The following GABPB1 variants were observed in gnomAD, a reference collection of about 807,000 sequenced individuals.
The protein encoded by GABPB1 is GA-binding protein subunit beta-1.
GABPB1 carries 15 observed loss-of-function variants against 45.9 expected under a neutral mutation model. The ratio of observed to expected loss-of-function variants is 0.33; its 90% CI spans 0.22 to 0.50. The LOEUF is 0.50. Ranked by LOEUF, GABPB1 falls within the 20% of genes least tolerant of loss-of-function variation. The pLI is 0.98. For synonymous variants in GABPB1, 143 were observed against 154.4 expected (o/e 0.93, Z 0.55); for missense variants, 252 against 457.5 (o/e 0.55, Z 4.10).
chr15:50,309,549 G>A, intron 2 of GABPB1, 142 bp downstream of exon 2: 1 of 588,972 alleles, frequency 1.7e-6, no homozygotes, highest in South Asian at 2.4e-5. Context: ...TTTTAGGACA[G>A]TTATAATTCT....
chr15:50,295,028 A>G (rs538040566), intron 6 of GABPB1, among the ~76,000 whole-genome samples: 5 of 152,326 alleles, frequency 3.3e-5, no homozygotes, highest in Admixed American at 2.6e-4. Flanking sequence ...GAGCTACAAA[A>G]TAAGAGACGT....
At chr15:50,346,950 C>T (rs1274317901) in intron 1 of GABPB1, among the ~76,000 whole-genome samples, 6 of 151,888 alleles carry the variant, frequency 4.0e-5, no homozygotes, top group East Asian at 3.9e-4. Flanking sequence ...CCACTGTGCC[C>T]GGCTAATTTT....
rs953762707 is a variant in GABPB1, at chr15:50,278,651, G to C, written c.1133C>G (p.Thr378Ser). The stretch of plus-strand genomic sequence containing the variant: ...TTTCAATTAAACAGCTTCTTTATTA[G>C]TCTGAAGACGAGTCATAGCTTCCAA... Reference protein sequence around the residue: ...QKLEAMTRLQTNKEAV With the variant: ...QKLEAMTRLQSNKEAV The change falls in exon 9 of 9, where the codon ACT (threonine) becomes AGT (serine). Residue 378 changes from threonine to serine, a missense_variant. Thr to Ser is a moderately conservative substitution (Grantham distance 58). This residue lies in a region of GABPB1 where 19 missense variants were observed against 23.8 expected (regional missense o/e 0.80). Coordinates refer to ENST00000380877, the MANE Select transcript of GABPB1 (RefSeq NM_016654.5). 3.1e-6 allele frequency: 5 copies of C among 1,609,946 alleles called. No homozygotes were observed. Among genetic ancestry groups the C allele is most frequent in the Admixed American group, 1.7e-5 (1 of 58,946 alleles).
At chr15:50,326,659 C>T (rs2047777777) in intron 1 of GABPB1, among the ~76,000 whole-genome samples, 1 of 151,090 alleles carries the variant, frequency 6.6e-6, no homozygotes, top group Non-Finnish European at 1.5e-5. Flanking sequence ...GAGACTCCGT[C>T]TCAAAAAAAA....
intron 1 of GABPB1, among the ~76,000 whole-genome samples, chr15:50,319,777 G>A (rs2047490300): frequency 6.6e-6 from 1 of 152,140 alleles, no homozygotes. Context: ...GGCAGAGGTT[G>A]CAGTGAGCCG....
intron 1 of GABPB1, among the ~76,000 whole-genome samples, chr15:50,324,031 A>C (rs1457431900): frequency 1.3e-5 from 2 of 152,074 alleles, no homozygotes; most frequent in Non-Finnish European, 2.9e-5. Context: ...GCAAAACTCT[A>C]TCTCTACAAA....
intron 1 of GABPB1, among the ~76,000 whole-genome samples, chr15:50,340,618 A>G (rs1595838324): frequency 2.0e-5 from 3 of 150,892 alleles, no homozygotes; most frequent in South Asian, 4.2e-4. Context: ...TGCTTAACAC[A>G]TGAGATCTTT....
At position 50,291,010 on chromosome 15, in the gene GABPB1, G is replaced by A. The variant is rs143964532; in HGVS notation, c.698-1342C>T. 7.4e-4 allele frequency among the ~76,000 whole-genome samples: 113 copies of A among 152,220 alleles called. 1 individual carries two copies. The highest frequency in any genetic ancestry group is 2.5e-3 in the African/African-American group (104 of 41,542). ...ATACTAGTAAAAAACTACAAACAACGCAGATATTCTTTGATAATAAATTAA... is the reference window on the plus strand; with the variant it reads ...ATACTAGTAAAAAACTACAAACAACACAGATATTCTTTGATAATAAATTAA... On this transcript the variant is annotated intron_variant, in intron 6 of 8. Coordinates refer to ENST00000380877, the MANE Select transcript of GABPB1 (RefSeq NM_016654.5).
At chr15:50,332,568 A>T (rs534119029) in intron 1 of GABPB1, among the ~76,000 whole-genome samples, 1 of 152,244 alleles carries the variant, frequency 6.6e-6, no homozygotes, top group African/African-American at 2.4e-5. Flanking sequence ...TTAAGCCCAT[A>T]TCTTTTATAA....
At chr15:50,286,249 CTT>C in intron 7 of GABPB1, 66 bp from the exon 8 acceptor site, 1 of 1,126,296 alleles carries the variant, frequency 8.9e-7, no homozygotes, top group Non-Finnish European at 1.2e-6. Context: ...TAAAACTAGT[CTT>C]GACATTGTTG....
At chr15:50,280,433 G>A (rs549478886) in intron 8 of GABPB1, among the ~76,000 whole-genome samples, 27 of 152,278 alleles carry the variant, frequency 1.8e-4, no homozygotes, top group African/African-American at 5.8e-4. Context: ...TGGCAGGAGT[G>A]TCCACAGCCA....
intron 1 of GABPB1, among the ~76,000 whole-genome samples, chr15:50,324,679 G>A (rs533722814): frequency 2.3e-4 from 35 of 151,570 alleles, no homozygotes; most frequent in African/African-American, 4.6e-4. Context: ...CAAGTAGCTC[G>A]GATTACAGGC....
chr15:50,304,017 T>C lies in GABPB1; in HGVS notation c.225A>G (p.Leu75=). The C allele has an allele frequency of 6.2e-7, 1 of 1,613,426 alleles. No homozygotes were observed. Among genetic ancestry groups the C allele is most frequent in the Non-Finnish European group, 8.5e-7 (1 of 1,179,708 alleles). ...CATGGCCCTCAGAAGCTGCCATATG[T>C]AATGGTGTTCGGTCCACTTTGGTTC... ...DARTKVDRTP[L]HMAASEGHAS... Residue 75 remains leucine, a synonymous_variant, in exon 3 of 9, where the codon TTA becomes TTG. Coordinates refer to ENST00000380877, the MANE Select transcript of GABPB1 (RefSeq NM_016654.5).
At chr15:50,289,759 G>A (rs2046288141) in intron 6 of GABPB1, 91 bp from the exon 7 acceptor site, 2 of 915,572 alleles carry the variant, frequency 2.2e-6, no homozygotes. Context: ...TGCTTTCTAT[G>A]CTTCTTTCTT....
At chr15:50,325,912 G>T (rs372598639) in intron 1 of GABPB1, among the ~76,000 whole-genome samples, 5 of 142,924 alleles carry the variant, frequency 3.5e-5, no homozygotes, top group Admixed American at 6.9e-5. Flanking sequence ...GGTTTTTTTT[G>T]TTTTTTTTTT....
At chr15:50,338,271 C>G (rs1390457814) in intron 1 of GABPB1, among the ~76,000 whole-genome samples, 1 of 152,074 alleles carries the variant, frequency 6.6e-6, no homozygotes, top group Admixed American at 6.6e-5. Flanking sequence ...AACTCCTAAC[C>G]TCAGGCGATC....
intron 1 of GABPB1, among the ~76,000 whole-genome samples, chr15:50,316,728 GA>G (rs1228439702): frequency 2.6e-5 from 4 of 151,556 alleles, no homozygotes; most frequent in African/African-American, 9.7e-5. Context: ...TTAAAATAAG[GA>G]AAAAAACAAC....
At position 50,276,235 on chromosome 15, in the gene GABPB1, T is replaced by G. The variant is rs1010808223; in HGVS notation, c.*2397A>C. On this transcript the variant is annotated 3_prime_UTR_variant, in exon 9 of 9. Transcript: ENST00000380877. ...TGAAAACTTTTATTTCATATACTTT[T>G]ATTTTTGTCAGTTCTTTAAATCCTC... 3.9e-5 allele frequency: 6 copies of G among 152,252 alleles called. No homozygotes were observed. Among genetic ancestry groups the G allele is most frequent in the African/African-American group, 1.4e-4 (6 of 41,472 alleles). The allele number at this position is 152,252 out of a possible 1,614,324, so 9.4% of individuals were successfully genotyped here. A position where few individuals can be genotyped will look rare whatever the true frequency, so the allele number is the denominator to read the frequency against.
At chr15:50,352,432 T>C (rs2048876039) in intron 1 of GABPB1, 1 of 151,938 alleles carries the variant, frequency 6.6e-6, no homozygotes, top group African/African-American at 2.4e-5. Flanking sequence ...CCTCTCTGGC[T>C]CAAGCGATTC....
Sources: allele counts gnomAD v4.1 joint callset (sites outside exome capture counted in the v4.1 genomes callset), GRCh38; gene constraint gnomAD v4.1.1; regional missense constraint gnomAD v4.1.1; transcripts MANE v1.5; gene names NCBI Gene and HGNC (gene_info 2026-07-23, HGNC 2026-07-21).